The following MOXD1 variants were observed in gnomAD, a reference collection of about 807,000 sequenced individuals.
MOXD1 encodes the protein monooxygenase DBH like 1.
In MOXD1, 62 loss-of-function variants were observed where a neutral mutation model predicts 66.6. The observed-to-expected ratio is 0.93, with a 90% CI of 0.76 to 1.15. The LOEUF is 1.15. Ranked by LOEUF, MOXD1 falls within the 50% of genes most tolerant of loss-of-function variation. MOXD1 has a pLI of 0.00. For synonymous variants in MOXD1, 303 were observed against 281.9 expected (o/e 1.07, Z -0.75); for missense variants, 847 against 754.6 (o/e 1.12, Z -1.44).
intron 4 of MOXD1, among the ~76,000 whole-genome samples, chr6:132,365,770 T>C (rs763662923): frequency 1.3e-5 from 2 of 152,186 alleles, no homozygotes; most frequent in African/African-American, 2.4e-5. Context: ...CTTTACAACA[T>C]TGAACAATCT....
intron 4 of MOXD1, among the ~76,000 whole-genome samples, chr6:132,335,961 CCTTT>C (rs1775426578): frequency 6.6e-6 from 1 of 152,082 alleles, no homozygotes; most frequent in Admixed American, 6.5e-5. Context: ...GGAGAAAGTA[CCTTT>C]CTTGTCTTGT....
chr6:132,332,933 C>T (rs181971470), intron 4 of MOXD1, among the ~76,000 whole-genome samples: 301 of 152,286 alleles, frequency 2.0e-3, no homozygotes, highest in Non-Finnish European at 2.8e-3. Flanking sequence ...GCTGCATTAA[C>T]CCGACTTTCT....
At chr6:132,330,836 G>A (rs1775302326) in intron 4 of MOXD1, among the ~76,000 whole-genome samples, 1 of 152,142 alleles carries the variant, frequency 6.6e-6, no homozygotes, top group South Asian at 2.1e-4. Flanking sequence ...GGGGGAAATG[G>A]TATGTAGTGG....
At chr6:132,308,170 T>TA (rs1460199206) in intron 10 of MOXD1, among the ~76,000 whole-genome samples, 2 of 146,546 alleles carry the variant, frequency 1.4e-5, no homozygotes, top group Non-Finnish European at 3.0e-5. Flanking sequence ...ATAGACACAA[T>TA]AAAAAAATGA....
intron 1 of MOXD1, among the ~76,000 whole-genome samples, chr6:132,398,906 C>T (rs564236674): frequency 8.0e-6 from 1 of 125,284 alleles, no homozygotes; most frequent in South Asian, 2.6e-4. Flanking sequence ...CCAGTGCAAT[C>T]TAGCCTGGGC....
intron 1 of MOXD1, among the ~76,000 whole-genome samples, chr6:132,396,703 A>G (rs533010079): frequency 1.3e-5 from 2 of 152,326 alleles, no homozygotes; most frequent in African/African-American, 4.8e-5. Flanking sequence ...TATAACTGAT[A>G]TCAAAGAAAT....
intron 4 of MOXD1, among the ~76,000 whole-genome samples, chr6:132,369,082 A>G (rs556641866): frequency 6.6e-6 from 1 of 152,170 alleles, no homozygotes; most frequent in South Asian, 2.1e-4. Context: ...TCCCTACATA[A>G]TGAGATGGAG....
chr6:132,388,520 C>T (rs893164422), intron 1 of MOXD1, among the ~76,000 whole-genome samples: 4 of 151,396 alleles, frequency 2.6e-5, no homozygotes, highest in African/African-American at 7.3e-5. Context: ...TCCTTCCATA[C>T]TCTAATAAGA....
chr6:132,386,495 G>A (rs896007842), intron 1 of MOXD1, among the ~76,000 whole-genome samples: 1 of 149,972 alleles, frequency 6.7e-6, no homozygotes, highest in African/African-American at 2.4e-5. Context: ...CCATTGTGAT[G>A]ATAATGATTC....
At chr6:132,298,599 A>G (rs1774461928) in intron 10 of MOXD1, among the ~76,000 whole-genome samples, 1 of 152,150 alleles carries the variant, frequency 6.6e-6, no homozygotes, top group Non-Finnish European at 1.5e-5. Context: ...TGATTTGATC[A>G]ATGCTTCAAA....
At chr6:132,363,021 A>C (rs1776045279) in intron 4 of MOXD1, among the ~76,000 whole-genome samples, 1 of 152,146 alleles carries the variant, frequency 6.6e-6, no homozygotes, top group South Asian at 2.1e-4. Context: ...CTCATATGTG[A>C]CTAGATCTAA....
At chr6:132,351,023 T>C (rs1256854797) in intron 4 of MOXD1, among the ~76,000 whole-genome samples, 1 of 152,190 alleles carries the variant, frequency 6.6e-6, no homozygotes, top group Non-Finnish European at 1.5e-5. Flanking sequence ...AATTCTTCTA[T>C]CAGTTCTAGG....
intron 4 of MOXD1, among the ~76,000 whole-genome samples, chr6:132,351,127 T>C (rs1775791764): frequency 6.6e-6 from 1 of 152,164 alleles, no homozygotes; most frequent in Non-Finnish European, 1.5e-5. Flanking sequence ...TTGGATGCCC[T>C]TTATTTCTTT....
At chr6:132,299,098 A>T (rs1268266784) in intron 10 of MOXD1, among the ~76,000 whole-genome samples, 2 of 152,206 alleles carry the variant, frequency 1.3e-5, no homozygotes, top group Non-Finnish European at 2.9e-5. Flanking sequence ...AGCCACACAA[A>T]AAAAGAAAGA....
In MOXD1 at chr6:132,315,746, A is replaced by T. The variant is rs531459123; in HGVS notation, c.1397T>A (p.Leu466His). The change falls in exon 10 of 12, where the codon CTC becomes CAC. Residue 466 changes from leucine to histidine, a missense_variant. Leu to His is a moderately conservative substitution (Grantham distance 99, BLOSUM62 -3). Transcript: ENST00000367963. ...GGLSTRSEMC[L>H]SYLLYYPRIN... ...TCTTGGGTAATAAAGAAGGTATGAGAGACACATTTCACTCCTGGTGCTTAG... is the reference window on the plus strand; with the variant it reads ...TCTTGGGTAATAAAGAAGGTATGAGTGACACATTTCACTCCTGGTGCTTAG... 8 of 1,613,628 alleles carry T rather than the reference A, an allele frequency of 5.0e-6. No homozygotes were observed. The Admixed American group carries it at 1.3e-4, about 27-fold the overall frequency.
At chr6:132,388,591 A>G (rs1048201262) in intron 1 of MOXD1, among the ~76,000 whole-genome samples, 1 of 151,310 alleles carries the variant, frequency 6.6e-6, no homozygotes, top group African/African-American at 2.4e-5. Flanking sequence ...CTATAGCTTG[A>G]GGGCATTTCA....
At chr6:132,332,270 A>G (rs1193380193) in intron 4 of MOXD1, among the ~76,000 whole-genome samples, 1 of 152,028 alleles carries the variant, frequency 6.6e-6, no homozygotes, top group African/African-American at 2.4e-5. Context: ...ACACCAACCC[A>G]TAAAACAACA....
intron 4 of MOXD1, among the ~76,000 whole-genome samples, chr6:132,331,702 A>G (rs1244006081): frequency 6.6e-6 from 1 of 152,178 alleles, no homozygotes; most frequent in Non-Finnish European, 1.5e-5. Flanking sequence ...ATTTACTGAA[A>G]CTCAGAGATT....
At chr6:132,311,689 T>G (rs1366019171) in intron 10 of MOXD1, among the ~76,000 whole-genome samples, 1 of 151,704 alleles carries the variant, frequency 6.6e-6, no homozygotes, top group Admixed American at 6.6e-5. Flanking sequence ...AAATTAAAAT[T>G]CAATGGTTTT....
Sources: gnomAD v4.1 joint callset for allele counts (sites outside exome capture counted in the v4.1 genomes callset) on GRCh38, gnomAD v4.1.1 for gene constraint, MANE v1.5 for transcripts, NCBI Gene and HGNC (gene_info 2026-07-23, HGNC 2026-07-21) for gene names.